Variants in IQGAP2 observed in about 807,000 individuals in gnomAD.
The protein encoded by IQGAP2 is ras GTPase-activating-like protein IQGAP2.
A neutral mutation model predicts 201.3 loss-of-function variants in IQGAP2; 173 were observed. The ratio of observed to expected loss-of-function variants is 0.86; its 90% confidence interval spans 0.76 to 0.98. The LOEUF (loss-of-function observed/expected upper bound fraction) is 0.98, where lower values mean the gene tolerates loss of function less well. IQGAP2 is among the 50% of genes least tolerant of loss of function. The pLI, the probability that IQGAP2 is intolerant of heterozygous loss-of-function variation, is 0.00. For synonymous variants in IQGAP2, 675 were observed against 673.9 expected (o/e 1.00, Z -0.03); for missense variants, 1,687 against 1,864.8 (o/e 0.90, Z 1.76).
At chr5:76,598,706 T>C (rs1747210317) in intron 10 of IQGAP2, among the ~76,000 whole-genome samples, 2 of 152,144 alleles carry the variant, frequency 1.3e-5, no homozygotes, top group Admixed American at 6.5e-5. Flanking sequence ...AAAATAAGCC[T>C]GAAGGATATG....
intron 2 of IQGAP2, among the ~76,000 whole-genome samples, chr5:76,469,385 G>T (rs758570405): frequency 7.3e-5 from 11 of 151,708 alleles, no homozygotes; most frequent in Non-Finnish European, 1.5e-4. Context: ...TAGATGTTAA[G>T]ACTCAAAAAA....
intron 2 of IQGAP2, among the ~76,000 whole-genome samples, chr5:76,552,755 C>G (rs998655484): frequency 6.6e-6 from 1 of 152,110 alleles, no homozygotes; most frequent in Non-Finnish European, 1.5e-5. Context: ...TCTGAGACAA[C>G]GTTCTGTGGA....
chr5:76,650,301 G>A (rs146643646), intron 17 of IQGAP2, among the ~76,000 whole-genome samples: 450 of 152,316 alleles, frequency 3.0e-3, no homozygotes, highest in African/African-American at 9.9e-3. Context: ...ACACATGTGC[G>A]TATTTCAGAA....
intron 5 of IQGAP2, among the ~76,000 whole-genome samples, chr5:76,576,479 A>T (rs1745482040): frequency 6.6e-6 from 1 of 152,222 alleles, no homozygotes; most frequent in South Asian, 2.1e-4. Flanking sequence ...TCTTGAATGT[A>T]CACAGGTAAT....
chr5:76,493,646 A>AT (rs893317463), intron 2 of IQGAP2, among the ~76,000 whole-genome samples: 15 of 151,418 alleles, frequency 9.9e-5, no homozygotes, highest in African/African-American at 1.5e-4. Flanking sequence ...TAATTTAGTG[A>AT]TTTTTTTTCT....
Position 76,536,629 on chromosome 5 carries a change from C to A in IQGAP2, c.147-25767C>A, listed in dbSNP as rs185075642. Among the ~76,000 whole-genome samples, 803 of 151,858 alleles carry A rather than the reference C, an allele frequency of 5.3e-3. 8 individuals are homozygous for A. Among genetic ancestry groups the A allele is most frequent in the African/African-American group, 0.018 (736 of 41,448 alleles). ...ACAAAATTAGCCAGGTGTGGTGGTG[C>A]ACGCCTGTAATCCCAGCTACTCTGG... On this transcript the variant is annotated intron_variant, in intron 2 of 35. Coordinates refer to ENST00000274364, the MANE Select transcript of IQGAP2 (RefSeq NM_006633.5).
chr5:76,434,553 C>A (rs1234269134), intron 1 of IQGAP2, among the ~76,000 whole-genome samples: 1 of 152,116 alleles, frequency 6.6e-6, no homozygotes, highest in Non-Finnish European at 1.5e-5. Flanking sequence ...GACTAGTATT[C>A]CATAGTATAT....
intron 35 of IQGAP2, among the ~76,000 whole-genome samples, chr5:76,703,258 C>T (rs757987014): frequency 2.6e-5 from 4 of 152,080 alleles, no homozygotes; most frequent in Non-Finnish European, 5.9e-5. Context: ...TGGGCTCAAG[C>T]GATCCTCCTG....
chr5:76,606,203 T>G lies in IQGAP2; in HGVS notation c.1257T>G (p.Val419=). ...VERYANTLLS[V]KLEVLSQGQD... ...GTTATGCAAACACACTACTCTCTGT[T>G]AAACTAGAAGTTTTATCCCAAGGGC... The change falls in exon 12 of 36, where the codon GTT becomes GTG. Residue 419 remains valine (V), a synonymous_variant. Transcript: ENST00000274364. The G allele has an allele frequency of 1.2e-6, 2 of 1,605,746 alleles. No individual in the cohort carries two copies. Among genetic ancestry groups the G allele is most frequent in the Non-Finnish European group, 1.7e-6 (2 of 1,175,232 alleles).
intron 2 of IQGAP2, among the ~76,000 whole-genome samples, chr5:76,513,060 GAAAAAAA>G (rs11369662): frequency 6.8e-5 from 10 of 147,592 alleles, no homozygotes; most frequent in African/African-American, 2.0e-4. Context: ...GTCTCAAAAA[GAAAAAAA>G]AAAAGAAAAA....
chr5:76,437,405 T>C (rs980829201), intron 1 of IQGAP2, among the ~76,000 whole-genome samples: 1 of 152,218 alleles, frequency 6.6e-6, no homozygotes, highest in African/African-American at 2.4e-5. Flanking sequence ...GGGATATATG[T>C]GTGGGATGTG....
intron 2 of IQGAP2, among the ~76,000 whole-genome samples, chr5:76,476,911 TCTAA>T (rs776567739): frequency 5.9e-5 from 9 of 152,190 alleles, no homozygotes; most frequent in Non-Finnish European, 1.2e-4. Flanking sequence ...GGCGTGTGTG[TCTAA>T]CTAAAGATTC....
chr5:76,690,956 A>C (rs1000619854), intron 30 of IQGAP2, among the ~76,000 whole-genome samples: 6 of 152,238 alleles, frequency 3.9e-5, no homozygotes, highest in Admixed American at 6.5e-5. Context: ...CTTTTCATCC[A>C]ATCCTTGCAT....
At chr5:76,438,321 G>T (rs1378398538) in intron 1 of IQGAP2, among the ~76,000 whole-genome samples, 2 of 152,078 alleles carry the variant, frequency 1.3e-5, no homozygotes, top group African/African-American at 4.8e-5. Context: ...TAGGAAGGTT[G>T]TATGTTTCCA....
chr5:76,695,671 T>C lies in IQGAP2; in HGVS notation c.4206+5T>C, dbSNP rs139914970. ...ATTCTCAATGAGATTGCCAAGGTTT[T>C]TGGAAACAGTATTCTTTCTTCCTTC... is the stretch of plus-strand genomic sequence containing the variant. On this transcript the variant is annotated splice_donor_5th_base_variant and intron_variant, in intron 32 of 35. Coordinates refer to ENST00000274364, the MANE Select transcript of IQGAP2 (RefSeq NM_006633.5). 2 of 1,609,304 alleles carry C rather than the reference T, an allele frequency of 1.2e-6. No individual in the cohort carries two copies. Among genetic ancestry groups the C allele is most frequent in the Non-Finnish European group, 1.7e-6 (2 of 1,175,720 alleles).
At chr5:76,522,766 G>A (rs1758762527) in intron 2 of IQGAP2, among the ~76,000 whole-genome samples, 1 of 152,144 alleles carries the variant, frequency 6.6e-6, no homozygotes, top group African/African-American at 2.4e-5. Context: ...ATTAACCAAG[G>A]AAATCTGTTC....
chr5:76,610,255 C>A (rs1748263703), intron 12 of IQGAP2, among the ~76,000 whole-genome samples: 2 of 147,298 alleles, frequency 1.4e-5, no homozygotes, highest in South Asian at 4.3e-4. Context: ...ACCTCAGCCT[C>A]CCAAGTAGCT....
At chr5:76,448,853 C>G (rs1043488749) in intron 1 of IQGAP2, among the ~76,000 whole-genome samples, 4 of 152,056 alleles carry the variant, frequency 2.6e-5, no homozygotes, top group Non-Finnish European at 5.9e-5. Flanking sequence ...CAATTGATGC[C>G]CAGTGAACTG....
chr5:76,635,448 G>T (rs1178165776), intron 15 of IQGAP2, among the ~76,000 whole-genome samples: 1 of 152,140 alleles, frequency 6.6e-6, no homozygotes, highest in Non-Finnish European at 1.5e-5. Context: ...ATTTTCACCA[G>T]CTTTGCTTGC....
Sources: allele counts gnomAD v4.1 joint callset (sites outside exome capture counted in the v4.1 genomes callset), GRCh38; gene constraint gnomAD v4.1.1; transcripts MANE v1.5; gene names NCBI Gene and HGNC (gene_info 2026-07-23, HGNC 2026-07-21).